FAM124A: variants seen among roughly 807,000 people sequenced by gnomAD.
FAM124A encodes family with sequence similarity 124 member A.
Under a neutral mutation model 24.5 loss-of-function variants are expected in FAM124A, and 23 were observed. The ratio of observed to expected loss-of-function variants is 0.94; its 90% CI spans 0.68 to 1.33. The LOEUF is 1.33. Ranked by LOEUF, FAM124A falls within the 40% of genes most tolerant of loss-of-function variation. The pLI is 0.00. For synonymous variants in FAM124A, 287 were observed against 314.7 expected, an observed-to-expected ratio of 0.91 and a Z score of 0.93; for missense variants, 623 against 722.8, an observed-to-expected ratio of 0.86 and a Z score of 1.58.
At position 51,274,342 on chromosome 13, in the gene FAM124A, A is replaced by G. The variant is rs543531356; in HGVS notation, c.835-6108A>G. Among the ~76,000 whole-genome samples the G allele has an allele frequency of 7.2e-5, 11 of 152,330 alleles. 1 individual carries two copies. The highest frequency in any genetic ancestry group is 7.2e-4 in the Admixed American group (11 of 15,290). On this transcript the variant is annotated intron_variant, in intron 3 of 3. Coordinates refer to ENST00000322475, the MANE Select transcript of FAM124A (RefSeq NM_001242312.2). ...ATTTTGGAATATTTGCATTATACTT[A>G]TCACTTGAGCATTGGAAATCCACAA...
At chr13:51,252,508 A>G in intron 3 of FAM124A, 1 of 419,304 alleles carries the variant, frequency 2.4e-6, no homozygotes, top group Non-Finnish European at 4.2e-6. Flanking sequence ...GGGATTTCAA[A>G]TGAGCTTATA....
At chr13:51,261,752 C>T (rs920385150) in intron 3 of FAM124A, among the ~76,000 whole-genome samples, 7 of 152,250 alleles carry the variant, frequency 4.6e-5, no homozygotes, top group African/African-American at 1.7e-4. Context: ...GCTGCTGCTT[C>T]TGCATGTAGC....
intron 3 of FAM124A, among the ~76,000 whole-genome samples, chr13:51,277,719 A>G (rs370024706): frequency 3.0e-4 from 45 of 152,156 alleles, no homozygotes; most frequent in African/African-American, 8.4e-4. Flanking sequence ...ACTTGAACCC[A>G]GCAGGCAGAG....
chr13:51,235,542 T>G (rs1954427215), intron 2 of FAM124A, among the ~76,000 whole-genome samples: 1 of 152,202 alleles, frequency 6.6e-6, no homozygotes, highest in African/African-American at 2.4e-5. Flanking sequence ...AATATGACAT[T>G]TTTTGAAGAT....
rs17075434 is a variant in FAM124A at position 51,233,763 on chromosome 13, A to C, written c.100+2384A>C. On this transcript the variant is annotated intron_variant, in intron 2 of 3. Coordinates refer to ENST00000322475, the MANE Select transcript of FAM124A (RefSeq NM_001242312.2). ...AAAACCTAAAGTCTTAAATCCTTTA[A>C]AGTATCAATTTGACAATGCTACAAT... Among the ~76,000 whole-genome samples, 279 of 152,366 alleles carry C rather than the reference A, an allele frequency of 1.8e-3. 1 individual carries two copies. Among genetic ancestry groups the C allele is most frequent in the African/African-American group, 6.3e-3 (264 of 41,590 alleles).
At chr13:51,276,986 G>A (rs17837209) in intron 3 of FAM124A, among the ~76,000 whole-genome samples, 16,286 of 152,068 alleles carry the variant, frequency 0.11, 948 homozygotes, top group East Asian at 0.27. Context: ...CTTTACTAGC[G>A]ATTTAAGAAG....
chr13:51,224,916 G>C (rs182996245), intron 1 of FAM124A, among the ~76,000 whole-genome samples: 2 of 152,120 alleles, frequency 1.3e-5, no homozygotes, highest in Admixed American at 1.3e-4. Context: ...CCTTTGTCAA[G>C]CTGCCCTCTT....
intron 1 of FAM124A, among the ~76,000 whole-genome samples, chr13:51,226,153 C>T (rs1219499300): frequency 2.6e-5 from 4 of 151,622 alleles, no homozygotes. Context: ...CCACCGACAC[C>T]ATGCCCAGCT....
At chr13:51,235,065 G>A (rs2137653967) in intron 2 of FAM124A, among the ~76,000 whole-genome samples, 1 of 147,620 alleles carries the variant, frequency 6.8e-6, no homozygotes, top group East Asian at 1.9e-4. Context: ...CTTCTTTAAT[G>A]GATGGTTTGG....
chr13:51,252,372 A>G, intron 3 of FAM124A, 171 bp downstream of exon 3: 1 of 845,846 alleles, frequency 1.2e-6, no homozygotes, highest in Non-Finnish European at 1.8e-6. Context: ...CCAACAAAAG[A>G]GGGGGCAAGA....
intron 2 of FAM124A, among the ~76,000 whole-genome samples, chr13:51,241,316 A>G (rs1954491657): frequency 2.6e-5 from 4 of 152,232 alleles, no homozygotes; most frequent in African/African-American, 9.6e-5. Context: ...TTTAGAATGT[A>G]TCATCTCCCA....
chr13:51,281,144 C>T lies in FAM124A; in HGVS notation c.1529C>T (p.Ser510Phe), dbSNP rs563845428. Residue 510 changes from serine (S) to phenylalanine (F), a missense_variant, in exon 4 of 4, where the codon TCC (serine) becomes TTC (phenylalanine). Ser to Phe is a radical substitution (Grantham distance 155). Coordinates refer to ENST00000322475, the MANE Select transcript of FAM124A (RefSeq NM_001242312.2). ...APSTSTLTDS[S>F]PQLPCDTPKV... ...AGCACCTCCACCCTCACAGACTCCTCCCCACAGCTCCCATGCGATACCCCC... is the reference window on the plus strand; with the variant it reads ...AGCACCTCCACCCTCACAGACTCCTTCCCACAGCTCCCATGCGATACCCCC... The T allele has an allele frequency of 8.5e-5, 138 of 1,614,100 alleles. 2 individuals are homozygous for T. In the South Asian group the frequency reaches 1.5e-3, roughly 17 times the overall value.
chr13:51,238,966 G>C (rs1416478762), intron 2 of FAM124A, among the ~76,000 whole-genome samples: 1 of 152,158 alleles, frequency 6.6e-6, no homozygotes, highest in Non-Finnish European at 1.5e-5. Context: ...TGGTTTCAAA[G>C]GTCAGTTTTA....
At position 51,253,808 on chromosome 13, in the gene FAM124A, G is replaced by A. The variant is rs1954649529; in HGVS notation, c.834+1607G>A. On this transcript the variant is annotated intron_variant, in intron 3 of 3. Coordinates refer to ENST00000322475, the MANE Select transcript of FAM124A (RefSeq NM_001242312.2). The stretch of plus-strand genomic sequence containing the variant: ...GGCTATAAACTCTATACAGGTGCAG[G>A]CTTTTGAAGTTAGAACAACAGAGTG... Among the ~76,000 whole-genome samples the A allele has an allele frequency of 2.6e-5, 4 of 152,302 alleles. No homozygotes were observed. The South Asian group carries it at 8.3e-4, about 32-fold the overall frequency.
At chr13:51,231,668 A>T (rs1954378411) in intron 2 of FAM124A, among the ~76,000 whole-genome samples, 1 of 152,172 alleles carries the variant, frequency 6.6e-6, no homozygotes, top group Non-Finnish European at 1.5e-5. Context: ...TCATTGAACA[A>T]ACATCTATCA....
chr13:51,277,687 A>G (rs1954897342), intron 3 of FAM124A, among the ~76,000 whole-genome samples: 2 of 152,264 alleles, frequency 1.3e-5, no homozygotes, highest in African/African-American at 4.8e-5. Flanking sequence ...CCAGCTACTC[A>G]GGAGGCTGAG....
intron 3 of FAM124A, among the ~76,000 whole-genome samples, chr13:51,271,064 A>G (rs1355538100): frequency 2.0e-5 from 3 of 152,242 alleles, no homozygotes; most frequent in Non-Finnish European, 4.4e-5. Context: ...AATTTCCATT[A>G]TCCATATCAT....
At position 51,243,700 on chromosome 13, in the gene FAM124A, A is replaced by AT. The variant is rs547612814; in HGVS notation, c.101-7761dup. ...AGGCGCCCGCCACCACACCCGGCTA[A>AT]TTTTTTTGTATTTTTAGTAGAGACG... On this transcript the variant is annotated intron_variant, in intron 2 of 3. Transcript: ENST00000322475. Among the ~76,000 whole-genome samples the AT allele has an allele frequency of 5.7e-4, 87 of 151,878 alleles. 1 individual carries two copies. Among genetic ancestry groups the AT allele is most frequent in the Non-Finnish European group, 1.1e-3 (73 of 67,910 alleles).
chr13:51,257,653 C>T (rs1954689335), intron 3 of FAM124A, among the ~76,000 whole-genome samples: 1 of 152,172 alleles, frequency 6.6e-6, no homozygotes, highest in South Asian at 2.1e-4. Flanking sequence ...TTCCCTCTTG[C>T]TCACTCTCCT....
Sources: gnomAD v4.1 joint callset for allele counts (sites outside exome capture counted in the v4.1 genomes callset) on GRCh38, gnomAD v4.1.1 for gene constraint, MANE v1.5 for transcripts, NCBI Gene and HGNC (gene_info 2026-07-23, HGNC 2026-07-21) for gene names.